ELOVL3: variants seen among roughly 807,000 people sequenced by gnomAD.
The protein encoded by ELOVL3 is ELOVL fatty acid elongase 3, also known as very long chain fatty acid elongase 3.
Under a neutral mutation model 14.9 loss-of-function variants are expected in ELOVL3, and 11 were observed. The observed-to-expected ratio is 0.74, with a 90% CI of 0.46 to 1.22. The LOEUF is 1.22. Ranked by LOEUF, ELOVL3 falls within the 50% of genes most tolerant of loss-of-function variation. The probability of loss-of-function intolerance (pLI) is 0.00; values close to 1 mark genes in which losing one functional copy is unlikely to be tolerated. For synonymous variants in ELOVL3, 117 were observed against 124.7 expected (o/e 0.94, Z 0.41); for missense variants, 277 against 338.9 (o/e 0.82, Z 1.43).
Position 102,228,438 on chromosome 10 carries a change from G to A in ELOVL3, c.255G>A (p.Met85Ile), listed in dbSNP as rs771118840. ...TCAGTATCCTGGGGGCAGTGAGGAT[G>A]TGGGGCATTATGGGGACTGTGCTAC... Reference protein sequence around the residue: ...AIFSILGAVRMWGIMGTVLLT... With the variant: ...AIFSILGAVRIWGIMGTVLLT... The change falls in exon 3 of 4, where the codon ATG (methionine) becomes ATA (isoleucine). Residue 85 changes from methionine (M) to isoleucine (I), a missense_variant. Met to Ile is a conservative substitution (Grantham distance 10). Transcript: ENST00000370005. 1.2e-6 allele frequency: 2 copies of A among 1,614,154 alleles called. No homozygotes were observed. The highest frequency in any genetic ancestry group is 8.5e-7 in the Non-Finnish European group (1 of 1,180,008).
Position 102,227,774 on chromosome 10 carries a change from C to T in ELOVL3, c.233+17C>T, listed in dbSNP as rs1564989646. ...AATCTTCAGGTAAGACCCCATCCCA[C>T]TCCCTGCCTCTTCTCTAGATCTTAG... On this transcript the variant is annotated intron_variant, in intron 2 of 3. Coordinates refer to ENST00000370005, the MANE Select transcript of ELOVL3 (RefSeq NM_152310.3). 6.2e-7 allele frequency: 1 copy of T among 1,612,528 alleles called. No individual in the cohort carries two copies. Among genetic ancestry groups the T allele is most frequent in the Non-Finnish European group, 8.5e-7 (1 of 1,179,136 alleles).
rs1372576893 is a variant in ELOVL3, at chr10:102,229,208, A to T, written c.769A>T (p.Thr257Ser). The T allele has an allele frequency of 1.9e-6, 3 of 1,613,834 alleles. No individual in the cohort carries two copies. The South Asian group carries it at 3.3e-5, about 18-fold the overall frequency. ...FILFAHFFCQ[T>S]YIRPKVKAKT... ...CCTCTTTGCCCACTTCTTCTGCCAGACCTACATCAGGCCCAAGGTCAAAGC... is the reference window on the plus strand; with the variant it reads ...CCTCTTTGCCCACTTCTTCTGCCAGTCCTACATCAGGCCCAAGGTCAAAGC... The change falls in exon 4 of 4, where the codon ACC becomes TCC. Residue 257 changes from threonine to serine, a missense_variant. Coordinates refer to ENST00000370005, the MANE Select transcript of ELOVL3 (RefSeq NM_152310.3).
At chr10:102,228,715 C>A in intron 3 of ELOVL3, 110 bp from the exon 4 acceptor site, 1 of 1,426,436 alleles carries the variant, frequency 7.0e-7, no homozygotes, top group Non-Finnish European at 9.6e-7. Context: ...GATTCTCTGC[C>A]ACAAAGACCC....
In ELOVL3 at chr10:102,226,593, C is replaced by A. The variant is rs1356061528; in HGVS notation, c.45C>A (p.Phe15Leu). 6.2e-7 allele frequency: 1 copy of A among 1,614,086 alleles called. No individual in the cohort carries two copies. ...MNVSHEVNQL[F>L]QPYNFELSKD... is the part of the protein sequence containing the mutation. ...TCTCACATGAAGTAAATCAGCTGTT[C>A]CAGCCCTATAACTTCGAGCTGTCCA... Residue 15 changes from phenylalanine to leucine, a missense_variant, in exon 1 of 4, where the codon TTC becomes TTA. Physicochemically the swap from Phe to Leu is conservative, Grantham distance 22. Transcript: ENST00000370005.
In ELOVL3 at chr10:102,227,660, G is replaced by A. The variant is rs758759044; in HGVS notation, c.136G>A (p.Val46Ile). ...TSFPIALIYLVLIAVGQNYMK... is the reference protein window; with the variant it reads ...TSFPIALIYLILIAVGQNYMK... ...ATTCCCCATAGCCCTGATCTACCTGGTTCTCATCGCTGTGGGGCAGAACTA... is the reference window on the plus strand; with the variant it reads ...ATTCCCCATAGCCCTGATCTACCTGATTCTCATCGCTGTGGGGCAGAACTA... Residue 46 changes from valine to isoleucine, a missense_variant, in exon 2 of 4, where the codon GTT becomes ATT. Physicochemically the swap from Val to Ile is conservative, Grantham distance 29. Coordinates refer to ENST00000370005, the MANE Select transcript of ELOVL3 (RefSeq NM_152310.3). 5 of 1,613,492 alleles carry A rather than the reference G, an allele frequency of 3.1e-6. No homozygotes were observed. The South Asian group carries it at 5.5e-5, about 18-fold the overall frequency.
chr10:102,227,835 A>G, intron 2 of ELOVL3, 78 bp downstream of exon 2: 2 of 1,532,702 alleles, frequency 1.3e-6, no homozygotes, highest in Non-Finnish European at 8.9e-7. Flanking sequence ...TCCCGATTGC[A>G]TCAACCTCCA....
In ELOVL3 at chr10:102,226,405, A is replaced by G; in HGVS notation, c.-144A>G. The G allele has an allele frequency of 8.4e-6, 5 of 597,100 alleles. No homozygotes were observed. The allele number at this position is 597,100 out of a possible 1,614,324, so 37.0% of individuals were successfully genotyped here. A position where few individuals can be genotyped will look rare whatever the true frequency, so the allele number is the denominator to read the frequency against. On this transcript the variant is annotated 5_prime_UTR_variant, in exon 1 of 4. Transcript: ENST00000370005. ...TGGCTGCGCCGCCGCGCACATGCCTAGGTTCGACGCCCTCCTCCCTTTGCC... is the reference window on the plus strand; with the variant it reads ...TGGCTGCGCCGCCGCGCACATGCCTGGGTTCGACGCCCTCCTCCCTTTGCC...
Position 102,228,422 on chromosome 10 carries a change from T to C in ELOVL3, c.239T>C (p.Leu80Pro). 3 of 1,613,896 alleles carry C rather than the reference T, an allele frequency of 1.9e-6. No individual in the cohort carries two copies. Among genetic ancestry groups the C allele is most frequent in the Non-Finnish European group, 1.7e-6 (2 of 1,179,884 alleles). ...CTTCCTTTGTCCCATTTCAGTATCC[T>C]GGGGGCAGTGAGGATGTGGGGCATT... ...WSFCLAIFSILGAVRMWGIMG... is the reference protein window; with the variant it reads ...WSFCLAIFSIPGAVRMWGIMG... The change falls in exon 3 of 4, where the codon CTG becomes CCG. Residue 80 changes from leucine (L) to proline (P), a missense_variant. Coordinates refer to ENST00000370005, the MANE Select transcript of ELOVL3 (RefSeq NM_152310.3).
At chr10:102,227,812 T>C in intron 2 of ELOVL3, 55 bp downstream of exon 2, 3 of 1,595,388 alleles carry the variant, frequency 1.9e-6, no homozygotes, top group Non-Finnish European at 2.6e-6. Flanking sequence ...CACCATTCTA[T>C]CCCTTGAAGC....
Position 102,229,057 on chromosome 10 carries a change from G to A in ELOVL3, c.618G>A (p.Gln206=). 6.2e-7 allele frequency: 1 copy of A among 1,614,222 alleles called. No individual in the cohort carries two copies. Among genetic ancestry groups the A allele is most frequent in the Non-Finnish European group, 8.5e-7 (1 of 1,180,040 alleles). The change falls in exon 4 of 4, where the codon CAG becomes CAA. Residue 206 remains glutamine, a synonymous_variant. Coordinates refer to ENST00000370005, the MANE Select transcript of ELOVL3 (RefSeq NM_152310.3). ...TGCCCATGCTCATCACCAGCCTGCA[G>A]ATCTTGCAGATGTTTGTAGGAGCCA... ...KMLPMLITSL[Q]ILQMFVGAIV...
Position 102,226,339 on chromosome 10 carries a change from A to G in ELOVL3, c.-210A>G, listed in dbSNP as rs2070135241. ...CGCCAGCCCGGGCAGGCAGCTTTGC[A>G]AGTCCGCGTTATATATCGCAGTGGC... On this transcript the variant is annotated 5_prime_UTR_variant, in exon 1 of 4. Coordinates refer to ENST00000370005, the MANE Select transcript of ELOVL3 (RefSeq NM_152310.3). 5.5e-6 allele frequency: 3 copies of G among 541,524 alleles called. No individual in the cohort carries two copies. Among genetic ancestry groups the G allele is most frequent in the Admixed American group, 3.4e-5 (1 of 29,070 alleles). The allele number at this position is 541,524 out of a possible 1,614,324, so 33.5% of individuals were successfully genotyped here.
chr10:102,229,351 A>G lies in ELOVL3; in HGVS notation c.*99A>G. The G allele has an allele frequency of 8.2e-7, 1 of 1,214,648 alleles. No individual in the cohort carries two copies. The highest frequency in any genetic ancestry group is 1.1e-6 in the Non-Finnish European group (1 of 883,474). 75.2% of individuals were successfully genotyped at this position (1,214,648 alleles called of 1,614,324 possible). Reference sequence around the variant, plus strand: ...AGAATGATTAGGTTGCCTTACCTGCATGGTTTCCCCAGAGGATGTGTGCCC... The same window carrying G: ...AGAATGATTAGGTTGCCTTACCTGCGTGGTTTCCCCAGAGGATGTGTGCCC... On this transcript the variant is annotated 3_prime_UTR_variant, in exon 4 of 4. Transcript: ENST00000370005.
chr10:102,228,949 C>A lies in ELOVL3; in HGVS notation c.510C>A (p.Phe170Leu). 6.2e-7 allele frequency: 1 copy of A among 1,614,176 alleles called. No individual in the cohort carries two copies. Among genetic ancestry groups the A allele is most frequent in the Non-Finnish European group, 8.5e-7 (1 of 1,180,022 alleles). Reference protein sequence around the residue: ...YKNKVPAGGWFVTMNFGVHAI... With the variant: ...YKNKVPAGGWLVTMNFGVHAI... ...ACAAAGTGCCTGCAGGAGGCTGGTT[C>A]GTCACCATGAACTTTGGTGTTCATG... Residue 170 changes from phenylalanine (F) to leucine (L), a missense_variant, in exon 4 of 4, where the codon TTC (phenylalanine) becomes TTA (leucine). Coordinates refer to ENST00000370005, the MANE Select transcript of ELOVL3 (RefSeq NM_152310.3).
chr10:102,229,482 G>A lies in ELOVL3; in HGVS notation c.*230G>A. 1 of 518,474 alleles carries A rather than the reference G, an allele frequency of 1.9e-6. No individual in the cohort carries two copies. Among genetic ancestry groups the A allele is most frequent in the East Asian group, 3.2e-5 (1 of 31,164 alleles). The allele number at this position is 518,474 out of a possible 1,614,324, so 32.1% of individuals were successfully genotyped here. On this transcript the variant is annotated 3_prime_UTR_variant, in exon 4 of 4. Transcript: ENST00000370005. ...TTAATGTGAAGGCCAAGCAGGCCCT[G>A]GGATGGGAGTGGGGCGGAGGAGGGT...
At chr10:102,226,826 G>C (rs577796327) in intron 1 of ELOVL3, among the ~76,000 whole-genome samples, 177 bp downstream of exon 1, 47 of 152,048 alleles carry the variant, frequency 3.1e-4, no homozygotes, top group Non-Finnish European at 5.0e-4. Context: ...AAAGAGATTA[G>C]AGCTGAAAGC....
Position 102,229,092 on chromosome 10 carries a change from T to C in ELOVL3, c.653T>C (p.Ile218Thr). The C allele has an allele frequency of 6.2e-7, 1 of 1,614,110 alleles. No individual in the cohort carries two copies. Among genetic ancestry groups the C allele is most frequent in the Non-Finnish European group, 8.5e-7 (1 of 1,180,014 alleles). ...LQMFVGAIVS[I>T]LTYIWRQDQG... is the part of the protein sequence containing the mutation. Reference sequence around the variant, plus strand: ...ATGTTTGTAGGAGCCATCGTCAGCATCCTCACGTACATCTGGAGGCAGGAT... The same window carrying C: ...ATGTTTGTAGGAGCCATCGTCAGCACCCTCACGTACATCTGGAGGCAGGAT... Residue 218 changes from isoleucine (I) to threonine (T), a missense_variant, in exon 4 of 4, where the codon ATC becomes ACC. Ile to Thr is a moderately conservative substitution (Grantham distance 89, BLOSUM62 -1). Coordinates refer to ENST00000370005, the MANE Select transcript of ELOVL3 (RefSeq NM_152310.3).
rs574645606 is a variant in ELOVL3, at chr10:102,229,568, T to A, written c.*316T>A. On this transcript the variant is annotated 3_prime_UTR_variant, in exon 4 of 4. Transcript: ENST00000370005. ...CTTTCTTCTTCTTGCTCTGTTTTTT[T>A]AAATTAAAGATTTCAACAAAATTTT... The A allele has an allele frequency of 1.3e-5, 3 of 232,534 alleles. No homozygotes were observed. The highest frequency in any genetic ancestry group is 2.6e-5 in the Non-Finnish European group (3 of 117,460). The allele number at this position is 232,534 out of a possible 1,614,324, so 14.4% of individuals were successfully genotyped here.
At position 102,229,374 on chromosome 10, in the gene ELOVL3, C is replaced by G. The variant is rs1459388267; in HGVS notation, c.*122C>G. ...GCATGGTTTCCCCAGAGGATGTGTG[C>G]CCCAAGGTGGCTGGAATTTTTGACA... On this transcript the variant is annotated 3_prime_UTR_variant, in exon 4 of 4. Transcript: ENST00000370005. 1.0e-5 allele frequency: 10 copies of G among 979,054 alleles called. No individual in the cohort carries two copies. Among genetic ancestry groups the G allele is most frequent in the African/African-American group, 1.6e-5 (1 of 60,782 alleles). The allele number at this position is 979,054 out of a possible 1,614,324, so 60.6% of individuals were successfully genotyped here. A position where few individuals can be genotyped will look rare whatever the true frequency, so the allele number is the denominator to read the frequency against.
intron 1 of ELOVL3, 129 bp downstream of exon 1, chr10:102,226,778 C>G: frequency 1.6e-6 from 1 of 640,242 alleles, no homozygotes; most frequent in Non-Finnish European, 2.7e-6. Context: ...TGGCTTCACA[C>G]TACCTTTGTC....
Sources: allele counts gnomAD v4.1 joint callset (sites outside exome capture counted in the v4.1 genomes callset), GRCh38; gene constraint gnomAD v4.1.1; transcripts MANE v1.5; gene names NCBI Gene and HGNC (gene_info 2026-07-23, HGNC 2026-07-21).